G3BP2: variants seen among roughly 807,000 people sequenced by gnomAD.
G3BP2 encodes G3BP stress granule assembly factor 2.
Under a neutral mutation model 56.7 loss-of-function variants are expected in G3BP2, and 11 were observed. The ratio of observed to expected loss-of-function variants is 0.19; its 90% CI spans 0.12 to 0.32. The LOEUF is 0.32. Ranked by LOEUF, G3BP2 falls within the 10% of genes least tolerant of loss-of-function variation. G3BP2 has a pLI of 1.00. For missense variants in G3BP2, 340 were observed against 610.9 expected, an observed-to-expected ratio of 0.56 and a Z score of 4.67; for synonymous variants, 165 against 191.6, an observed-to-expected ratio of 0.86 and a Z score of 1.15.
chr4:75,712,898 A>G lies in G3BP2; in HGVS notation c.-25+7979T>C, dbSNP rs140947761. Among the ~76,000 whole-genome samples, 5 of 152,270 alleles carry G rather than the reference A, an allele frequency of 3.3e-5. No individual in the cohort carries two copies. In the East Asian group the frequency reaches 9.6e-4, roughly 29 times the overall value. ...AAGGGAGTGACAAAAGATTTAAGAG[A>G]ATATAGAATTTCTAAAACCAGCAAA... On this transcript the variant is annotated intron_variant, in intron 3 of 3. Transcript: ENST00000499709.
At chr4:75,648,376 AAC>A (rs1731404308) in intron 9 of G3BP2, among the ~76,000 whole-genome samples, 3 of 151,612 alleles carry the variant, frequency 2.0e-5, no homozygotes, top group Admixed American at 2.0e-4. Context: ...AAAAAAAAAA[AAC>A]AAAAAACCGT....
chr4:75,703,357 C>T (rs991719440), intron 3 of G3BP2, among the ~76,000 whole-genome samples: 1 of 152,100 alleles, frequency 6.6e-6, no homozygotes, highest in Admixed American at 6.6e-5. Context: ...AGCCAGCACC[C>T]CACAACACTC....
At chr4:75,662,092 T>A (rs1560620947) in intron 1 of G3BP2, 43 bp from the exon 2 acceptor site, 1 of 1,097,448 alleles carries the variant, frequency 9.1e-7, no homozygotes, top group Non-Finnish European at 1.4e-6. Flanking sequence ...AAGTCATCTT[T>A]GTCATCAACC....
chr4:75,674,291 G>GA (rs1733743238), upstream of G3BP2, among the ~76,000 whole-genome samples: 1 of 152,124 alleles, frequency 6.6e-6, no homozygotes, highest in South Asian at 2.1e-4. Context: ...AAACGGAAAG[G>GA]AAAAAATACA....
intron 3 of G3BP2, among the ~76,000 whole-genome samples, chr4:75,711,322 GAA>G (rs60433756): frequency 1.2e-4 from 13 of 107,508 alleles, no homozygotes; most frequent in Admixed American, 9.2e-5. Flanking sequence ...CCATCTCAAA[GAA>G]AAAAAAAAAA....
At chr4:75,712,236 TTAC>T (rs1407659237) in intron 3 of G3BP2, among the ~76,000 whole-genome samples, 1 of 152,196 alleles carries the variant, frequency 6.6e-6, no homozygotes, top group Non-Finnish European at 1.5e-5. Flanking sequence ...AGTTTATATC[TTAC>T]TACATTTCCT....
At chr4:75,668,379 C>A (rs936859775) in intron 1 of G3BP2, among the ~76,000 whole-genome samples, 1 of 152,152 alleles carries the variant, frequency 6.6e-6, no homozygotes, top group Non-Finnish European at 1.5e-5. Flanking sequence ...TGAATCACTA[C>A]TATAATGGGG....
At chr4:75,672,923 C>G (rs1433516743) in intron 1 of G3BP2, 1 of 850,462 alleles carries the variant, frequency 1.2e-6, no homozygotes, top group African/African-American at 1.8e-5. Flanking sequence ...CCACCTCATC[C>G]CCAATAAACC....
intron 3 of G3BP2, among the ~76,000 whole-genome samples, chr4:75,716,481 T>C (rs1719930448): frequency 6.7e-6 from 1 of 149,210 alleles, no homozygotes; most frequent in East Asian, 2.0e-4. Context: ...GGCCCTCTTC[T>C]AGTTCTTGTT....
intron 3 of G3BP2, among the ~76,000 whole-genome samples, chr4:75,688,793 A>G (rs916300133): frequency 2.0e-5 from 3 of 152,226 alleles, no homozygotes; most frequent in Admixed American, 2.0e-4. Flanking sequence ...CTCGTTTGAG[A>G]ATGGTAAGTG....
chr4:75,671,041 T>C (rs530665511), intron 1 of G3BP2, among the ~76,000 whole-genome samples: 6 of 152,288 alleles, frequency 3.9e-5, no homozygotes, highest in South Asian at 4.1e-4. Flanking sequence ...CAGATAAAAG[T>C]AAGCAGAAAC....
intron 3 of G3BP2, among the ~76,000 whole-genome samples, chr4:75,719,888 C>G (rs1720088576): frequency 6.6e-6 from 1 of 152,024 alleles, no homozygotes; most frequent in Non-Finnish European, 1.5e-5. Context: ...CGTGCCCGGC[C>G]TGGTCTCATT....
intron 1 of G3BP2, among the ~76,000 whole-genome samples, chr4:75,722,715 G>C (rs1272705162): frequency 6.6e-6 from 1 of 152,144 alleles, no homozygotes; most frequent in Non-Finnish European, 1.5e-5. Context: ...TAAAGCAGAG[G>C]ACAATGCTTA....
At position 75,644,875 on chromosome 4, in the gene G3BP2, T is replaced by G. The variant is rs1731096033; in HGVS notation, c.*555A>C. On this transcript the variant is annotated 3_prime_UTR_variant, in exon 12 of 12. Coordinates refer to ENST00000359707, the MANE Select transcript of G3BP2 (RefSeq NM_203505.3). ...CCTCATCATTTCACAAACTATTTTC[T>G]ACTGGAAAAGAAGATGAGATTTTTT... 1 of 153,142 alleles carries G rather than the reference T, an allele frequency of 6.5e-6. No homozygotes were observed. Among genetic ancestry groups the G allele is most frequent in the Non-Finnish European group, 1.5e-5 (1 of 68,450 alleles). 9.5% of individuals were successfully genotyped at this position (153,142 alleles called of 1,614,324 possible). A position where few individuals can be genotyped will look rare whatever the true frequency, so the allele number is the denominator to read the frequency against.
intron 3 of G3BP2, among the ~76,000 whole-genome samples, chr4:75,694,296 G>A (rs75089986): frequency 0.014 from 2,102 of 152,228 alleles, 46 homozygotes; most frequent in African/African-American, 0.047. Flanking sequence ...ACATGATCAG[G>A]ACGAGTGTTT....
rs188856463 is a variant in G3BP2, at chr4:75,644,174, T to G, written c.*1256A>C. On this transcript the variant is annotated 3_prime_UTR_variant, in exon 12 of 12. Coordinates refer to ENST00000359707, the MANE Select transcript of G3BP2 (RefSeq NM_203505.3). Reference sequence around the variant, plus strand: ...ATAGAATCTGACTGCTTTTAAAATGTCACTAAAAATGTACGTCAAGTTGAC... The same window carrying G: ...ATAGAATCTGACTGCTTTTAAAATGGCACTAAAAATGTACGTCAAGTTGAC... 5.0e-4 allele frequency: 77 copies of G among 152,676 alleles called. No individual in the cohort carries two copies. The highest frequency in any genetic ancestry group is 1.9e-3 in the African/African-American group (77 of 41,562). The allele number at this position is 152,676 out of a possible 1,614,324, so 9.5% of individuals were successfully genotyped here. A position where few individuals can be genotyped will look rare whatever the true frequency, so the allele number is the denominator to read the frequency against.
At chr4:75,652,547 G>A (rs1249581237) in intron 8 of G3BP2, among the ~76,000 whole-genome samples, 1 of 152,104 alleles carries the variant, frequency 6.6e-6, no homozygotes, top group African/African-American at 2.4e-5. Flanking sequence ...ACTTGAGCTG[G>A]GGAGGTGGAG....
Position 75,661,990 on chromosome 4 carries a change from C to T in G3BP2, c.36G>A (p.Gly12=). The T allele has an allele frequency of 1.2e-6, 2 of 1,612,088 alleles. No homozygotes were observed. Among genetic ancestry groups the T allele is most frequent in the Non-Finnish European group, 1.7e-6 (2 of 1,178,298 alleles). The part of the protein sequence containing the change: ...VMEKPSPLLV[G]REFVRQYYTL... ...TATAATATTGCCTCACAAACTCCCG[C>T]CCTACAAGCAGCGGACTGGGCTTCT... is the stretch of plus-strand genomic sequence containing the variant. The change falls in exon 2 of 12, where the codon GGG becomes GGA. Residue 12 remains glycine, a synonymous_variant. Coordinates refer to ENST00000359707, the MANE Select transcript of G3BP2 (RefSeq NM_203505.3).
At chr4:75,700,085 C>T (rs374787337) in intron 3 of G3BP2, among the ~76,000 whole-genome samples, 4 of 152,080 alleles carry the variant, frequency 2.6e-5, no homozygotes, top group Admixed American at 6.6e-5. Context: ...GGCAGAGTCT[C>T]GCTCTGTTGC....
Sources: allele counts gnomAD v4.1 joint callset (sites outside exome capture counted in the v4.1 genomes callset), GRCh38; gene constraint gnomAD v4.1.1; transcripts MANE v1.5; gene names NCBI Gene and HGNC (gene_info 2026-07-23, HGNC 2026-07-21).